NREP: variants seen among roughly 807,000 people sequenced by gnomAD.
NREP encodes neuronal regeneration-related protein.
In NREP, 5 loss-of-function variants were observed where a neutral mutation model predicts 8.6. That is an observed-to-expected ratio of 0.58 (90% CI 0.30 to 1.22). The LOEUF (loss-of-function observed/expected upper bound fraction) is 1.22, where lower values mean the gene tolerates loss of function less well. Among genes scored for constraint, NREP ranks in the 50% most tolerant of loss-of-function variants. The probability of loss-of-function intolerance (pLI) is 0.07; values close to 1 mark genes in which losing one functional copy is unlikely to be tolerated. For missense variants in NREP, 86 were observed against 82.5 expected, an observed-to-expected ratio of 1.04 and a Z score of -0.17; for synonymous variants, 27 against 28.0, an observed-to-expected ratio of 0.96 and a Z score of 0.11.
At chr5:111,908,570 C>A (rs1466504552) in intron 2 of NREP, among the ~76,000 whole-genome samples, 2 of 151,940 alleles carry the variant, frequency 1.3e-5, no homozygotes, top group Non-Finnish European at 2.9e-5. Flanking sequence ...TGAGATGGCC[C>A]CTAGCTACAT....
rs548815075 is a variant in NREP, at chr5:111,741,462, T to A, written c.4-5955A>T. On this transcript the variant is annotated intron_variant, in intron 2 of 3. Transcript: ENST00000257435. ...CTGTTCCCAGGTGTTACTGGTCATATGAGAGGGCCAAATGTAAACTGAAAC... is the reference window on the plus strand; with the variant it reads ...CTGTTCCCAGGTGTTACTGGTCATAAGAGAGGGCCAAATGTAAACTGAAAC... Among the ~76,000 whole-genome samples, 253 of 152,252 alleles carry A rather than the reference T, an allele frequency of 1.7e-3. 2 individuals carry two copies. Among genetic ancestry groups the A allele is most frequent in the African/African-American group, 5.9e-3 (247 of 41,568 alleles).
At chr5:111,939,885 T>C (rs771197619) in intron 2 of NREP, among the ~76,000 whole-genome samples, 29 of 152,074 alleles carry the variant, frequency 1.9e-4, no homozygotes, top group Non-Finnish European at 3.5e-4. Context: ...AAATACGTTA[T>C]CTTTAAAAAG....
At chr5:111,848,622 C>A (rs1166889046) in intron 2 of NREP, among the ~76,000 whole-genome samples, 1 of 152,118 alleles carries the variant, frequency 6.6e-6, no homozygotes, top group African/African-American at 2.4e-5. Context: ...GTTGTGGATG[C>A]TTCCTTTACG....
At chr5:111,804,007 C>T (rs911984080) in intron 2 of NREP, among the ~76,000 whole-genome samples, 1 of 151,910 alleles carries the variant, frequency 6.6e-6, no homozygotes, top group African/African-American at 2.4e-5. Flanking sequence ...TCCCTTTTTT[C>T]CCTGGATCTA....
chr5:111,782,488 G>C (rs1474097644), intron 2 of NREP, among the ~76,000 whole-genome samples: 1 of 152,108 alleles, frequency 6.6e-6, no homozygotes, highest in Non-Finnish European at 1.5e-5. Context: ...GAGAATCTGT[G>C]TTTCAAATTA....
At chr5:111,768,738 CATGTTTTCTTTATTCAGTCT>C (rs1751144438) in intron 2 of NREP, among the ~76,000 whole-genome samples, 1 of 152,018 alleles carries the variant, frequency 6.6e-6, no homozygotes, top group South Asian at 2.1e-4. Context: ...TTATATGTAC[CATGTTTTCTTTATTCAGTCT>C]ACCATTGATG....
At chr5:111,868,918 T>C (rs1376431608) in intron 2 of NREP, among the ~76,000 whole-genome samples, 2 of 152,166 alleles carry the variant, frequency 1.3e-5, no homozygotes, top group African/African-American at 4.8e-5. Context: ...GCAACATGAA[T>C]TGCAAGTATA....
intron 2 of NREP, among the ~76,000 whole-genome samples, chr5:111,739,886 C>T (rs1269766427): frequency 2.6e-5 from 4 of 151,956 alleles, no homozygotes; most frequent in African/African-American, 9.7e-5. Flanking sequence ...TCCATGTATA[C>T]AATAAACAAT....
intron 2 of NREP, among the ~76,000 whole-genome samples, chr5:111,813,765 T>G (rs1224896947): frequency 6.6e-6 from 1 of 152,056 alleles, no homozygotes; most frequent in African/African-American, 2.4e-5. Flanking sequence ...GAGTTTTGTT[T>G]TGAGTGATCA....
At chr5:111,732,324 A>G (rs1561628097) in intron 3 of NREP, 1 of 152,140 alleles carries the variant, frequency 6.6e-6, no homozygotes, top group Non-Finnish European at 1.5e-5. Context: ...TCAACTTTAA[A>G]AAGTCTTACT....
At chr5:111,809,479 T>C (rs1402534889) in intron 2 of NREP, among the ~76,000 whole-genome samples, 2 of 152,204 alleles carry the variant, frequency 1.3e-5, no homozygotes, top group East Asian at 3.8e-4. Context: ...AGATTCCTCA[T>C]GAATGGCTCA....
intron 2 of NREP, among the ~76,000 whole-genome samples, chr5:111,899,827 T>C (rs1161843123): frequency 2.6e-5 from 4 of 152,228 alleles, no homozygotes; most frequent in Non-Finnish European, 4.4e-5. Flanking sequence ...CAAACATTAT[T>C]AGACTGAAGA....
chr5:111,818,136 T>C (rs2112921393), intron 2 of NREP, among the ~76,000 whole-genome samples: 1 of 152,320 alleles, frequency 6.6e-6, no homozygotes, highest in East Asian at 1.9e-4. Context: ...TAAAGGCAAT[T>C]TTGTAGAAAA....
chr5:111,756,145 GT>G, intron 1 of NREP: 2 of 1,066,132 alleles, frequency 1.9e-6, no homozygotes, highest in Non-Finnish European at 2.3e-6. Flanking sequence ...AAAATAGATT[GT>G]TTTCTGGCTG....
chr5:111,735,616 G>T (rs1581034035), intron 2 of NREP, 109 bp from the exon 3 acceptor site: 3 of 733,804 alleles, frequency 4.1e-6, no homozygotes, highest in East Asian at 2.6e-5. Context: ...ACTTATTCCC[G>T]ACTACCACTT....
At chr5:111,960,476 C>T (rs990509790) in intron 2 of NREP, among the ~76,000 whole-genome samples, 1 of 151,992 alleles carries the variant, frequency 6.6e-6, no homozygotes, top group Non-Finnish European at 1.5e-5. Context: ...CAAGGGCATG[C>T]CAATAGAAAT....
chr5:111,939,209 G>A (rs1400767713), intron 2 of NREP, among the ~76,000 whole-genome samples: 1 of 151,902 alleles, frequency 6.6e-6, no homozygotes, highest in Non-Finnish European at 1.5e-5. Context: ...CCTAGCAAAT[G>A]AACCACATTC....
At chr5:111,797,062 A>AAGATAGATAGATAGAT (rs58573941) in intron 2 of NREP, among the ~76,000 whole-genome samples, 15 of 147,448 alleles carry the variant, frequency 1.0e-4, no homozygotes, top group Non-Finnish European at 1.0e-4. Context: ...AGTGTCTACT[A>AAGATAGATAGATAGAT]AGATAGATAG....
intron 2 of NREP, among the ~76,000 whole-genome samples, chr5:111,753,330 TTA>T (rs10546970): frequency 0.78 from 109,363 of 140,626 alleles, 44,041 homozygotes; most frequent in Non-Finnish European, 0.88. Context: ...CAAGTTGATT[TTA>T]TATATATATA....
Sources: gnomAD v4.1 joint callset for allele counts (sites outside exome capture counted in the v4.1 genomes callset) on GRCh38, gnomAD v4.1.1 for gene constraint, MANE v1.5 for transcripts, NCBI Gene and HGNC (gene_info 2026-07-23, HGNC 2026-07-21) for gene names.